Variants in FKBP5 observed in about 807,000 individuals in gnomAD.
FKBP5 encodes the protein FKBP prolyl isomerase 5.
Under a neutral mutation model 50.5 loss-of-function variants are expected in FKBP5, and 23 were observed. That is an observed-to-expected ratio of 0.46 (90% CI 0.33 to 0.65). The LOEUF (loss-of-function observed/expected upper bound fraction) is 0.65. FKBP5 is among the 30% of genes least tolerant of loss of function. The probability of loss-of-function intolerance (pLI) is 0.02; values close to 1 mark genes in which losing one functional copy is unlikely to be tolerated. For missense variants in FKBP5, 411 were observed against 553.1 expected (o/e 0.74, Z 2.58); for synonymous variants, 176 against 190.6 (o/e 0.92, Z 0.63).
At chr6:35,581,231 GGTCT>G in intron 8 of FKBP5, 2 of 920,330 alleles carry the variant, frequency 2.2e-6, no homozygotes, top group South Asian at 5.0e-5. Flanking sequence ...ACATCAGAAA[GGTCT>G]GTCAGTTATA....
rs1281430038 is a variant in FKBP5, at chr6:35,587,779, A to G, written c.757-662T>C. On this transcript the variant is annotated intron_variant, in intron 7 of 10. Coordinates refer to ENST00000357266, the MANE Select transcript of FKBP5 (RefSeq NM_004117.4). ...TTGTATTGTGTGTATTATTACTTCC[A>G]CCATTACAGATACAAATCCAGAAAT... is the stretch of plus-strand genomic sequence containing the variant. Among the ~76,000 whole-genome samples the G allele has an allele frequency of 2.6e-5, 4 of 152,280 alleles. No homozygotes were observed. The East Asian group carries it at 7.7e-4, about 29-fold the overall frequency.
chr6:35,595,034 C>T (rs1025259154), intron 6 of FKBP5, among the ~76,000 whole-genome samples: 7 of 152,020 alleles, frequency 4.6e-5, no homozygotes, highest in African/African-American at 7.3e-5. Context: ...TCATGTGTGC[C>T]CTATATGTGC....
upstream of FKBP5, chr6:35,689,021 C>A (rs936601519): frequency 6.6e-6 from 1 of 151,832 alleles, no homozygotes; most frequent in Non-Finnish European, 1.5e-5. Flanking sequence ...GCTGTCAGTC[C>A]GCCCCCAAAA....
intron 1 of FKBP5, among the ~76,000 whole-genome samples, chr6:35,663,184 T>C (rs1423366823): frequency 6.6e-6 from 1 of 152,150 alleles, no homozygotes; most frequent in Non-Finnish European, 1.5e-5. Context: ...CCAGTGACCA[T>C]GTGAGCTGAG....
At chr6:35,666,701 C>T (rs1468825574) in intron 1 of FKBP5, among the ~76,000 whole-genome samples, 1 of 151,812 alleles carries the variant, frequency 6.6e-6, no homozygotes, top group Non-Finnish European at 1.5e-5. Context: ...CCATCCTGGC[C>T]AACACAGTGA....
At chr6:35,716,096 G>A (rs930955796) in intron 2 of FKBP5, among the ~76,000 whole-genome samples, 2 of 152,160 alleles carry the variant, frequency 1.3e-5, no homozygotes. Flanking sequence ...AGACAGGTGG[G>A]GGCAATGGCT....
intron 5 of FKBP5, among the ~76,000 whole-genome samples, chr6:35,618,297 A>G (rs994838068): frequency 6.6e-5 from 10 of 152,354 alleles, no homozygotes; most frequent in African/African-American, 2.4e-4. Context: ...GAGTTTGTAG[A>G]GGCTGGTAGC....
At chr6:35,649,809 G>C (rs565527382) in intron 1 of FKBP5, among the ~76,000 whole-genome samples, 7 of 152,276 alleles carry the variant, frequency 4.6e-5, no homozygotes, top group African/African-American at 1.7e-4. Flanking sequence ...GCATGGATCA[G>C]TTCATCAACT....
upstream of FKBP5, among the ~76,000 whole-genome samples, chr6:35,693,312 G>A (rs989559946): frequency 4.6e-5 from 7 of 150,674 alleles, no homozygotes; most frequent in Admixed American, 1.3e-4. Flanking sequence ...ACAGGTGCCC[G>A]CCACCACGCC....
intron 1 of FKBP5, among the ~76,000 whole-genome samples, chr6:35,677,049 C>T (rs1467701680): frequency 6.6e-6 from 1 of 152,050 alleles, no homozygotes; most frequent in African/African-American, 2.4e-5. Flanking sequence ...TCATTTTCAG[C>T]GAAGGTGGAT....
chr6:35,714,439 C>T lies in FKBP5; in HGVS notation c.-20+5889G>A, dbSNP rs557814495. Among the ~76,000 whole-genome samples the T allele has an allele frequency of 7.8e-4, 84 of 107,256 alleles. 4 individuals carry two copies. In the South Asian group the frequency reaches 0.014, roughly 17 times the overall value. The allele number at this position is 107,256 out of a possible 152,430, so 70.4% of individuals were successfully genotyped here. A position where few individuals can be genotyped will look rare whatever the true frequency, so the allele number is the denominator to read the frequency against. On this transcript the variant is annotated intron_variant, in intron 2 of 11. Coordinates refer to the FKBP5 transcript ENST00000536438. ...TGCACTTCAGCCTGGGTGACAAGAG[C>T]GAAACACTGCCTCAAAAAAAAAAAA...
chr6:35,587,140 GGT>G (rs753393151), intron 7 of FKBP5, 23 bp from the exon 8 acceptor site: 1 of 1,608,592 alleles, frequency 6.2e-7, no homozygotes, highest in South Asian at 1.1e-5. Context: ...TTGTGACAAT[GGT>G]TAGATGAACA....
At chr6:35,625,623 C>T (rs1374888028) in intron 3 of FKBP5, among the ~76,000 whole-genome samples, 17 of 149,438 alleles carry the variant, frequency 1.1e-4, no homozygotes, top group Non-Finnish European at 2.4e-4. Context: ...GTAGTCCCAG[C>T]TACTCGGGAG....
intron 5 of FKBP5, among the ~76,000 whole-genome samples, chr6:35,598,211 A>AT (rs575201410): frequency 1.4e-3 from 219 of 152,034 alleles, no homozygotes; most frequent in African/African-American, 4.8e-3. Flanking sequence ...ACAGATATCT[A>AT]TTTTTTCTTG....
intron 1 of FKBP5, among the ~76,000 whole-genome samples, chr6:35,666,046 A>G (rs892419996): frequency 2.0e-5 from 3 of 152,180 alleles, no homozygotes; most frequent in Non-Finnish European, 4.4e-5. Flanking sequence ...TTTTCTATTT[A>G]CAATGAGTTT....
Position 35,688,837 on chromosome 6 carries a change from C to T in FKBP5, c.-53G>A, listed in dbSNP as rs1301557596. Reference sequence around the variant, plus strand: ...GCGGGGGCTCGCCGACTCCGTCACTCTCCGCCTTGCCCGTGCTCCGCTAAC... The same window carrying T: ...GCGGGGGCTCGCCGACTCCGTCACTTTCCGCCTTGCCCGTGCTCCGCTAAC... On this transcript the variant is annotated 5_prime_UTR_variant, in exon 1 of 11. Coordinates refer to ENST00000357266, the MANE Select transcript of FKBP5 (RefSeq NM_004117.4). The T allele has an allele frequency of 6.6e-6, 1 of 151,022 alleles. No individual in the cohort carries two copies. The highest frequency in any genetic ancestry group is 1.9e-4 in the East Asian group (1 of 5,150). 9.4% of individuals were successfully genotyped at this position (151,022 alleles called of 1,614,324 possible).
chr6:35,709,220 A>T (rs1314775490), intron 2 of FKBP5, among the ~76,000 whole-genome samples: 1 of 152,174 alleles, frequency 6.6e-6, no homozygotes, highest in Non-Finnish European at 1.5e-5. Context: ...TTGCACGGGA[A>T]AACTCCCCCT....
chr6:35,640,409 C>G (rs1764450932), intron 2 of FKBP5, among the ~76,000 whole-genome samples: 1 of 152,056 alleles, frequency 6.6e-6, no homozygotes, highest in Non-Finnish European at 1.5e-5. Context: ...AAATGGTACA[C>G]CTATACAGAA....
Position 35,662,472 on chromosome 6 carries a change from C to T in FKBP5, c.-19-19629G>A, listed in dbSNP as rs184699374. On this transcript the variant is annotated intron_variant, in intron 1 of 10. Transcript: ENST00000357266. ...TAATTTTTTTTTTTTTTTGTAGAGA[C>T]AAGGTCGCACTATGTTGCCCAGGCT... 5.9e-3 allele frequency among the ~76,000 whole-genome samples: 872 copies of T among 147,752 alleles called. 10 individuals are homozygous for T. The highest frequency in any genetic ancestry group is 0.02 in the African/African-American group (800 of 39,882).
Sources: allele counts gnomAD v4.1 joint callset (sites outside exome capture counted in the v4.1 genomes callset), GRCh38; gene constraint gnomAD v4.1.1; transcripts MANE v1.5; gene names NCBI Gene and HGNC (gene_info 2026-07-23, HGNC 2026-07-21).